Variants in AOPEP observed in about 807,000 individuals in gnomAD.
AOPEP encodes the protein aminopeptidase O.
A neutral mutation model predicts 98.1 loss-of-function variants in AOPEP; 77 were observed. The observed-to-expected ratio is 0.78, with a 90% CI of 0.65 to 0.95. The LOEUF (loss-of-function observed/expected upper bound fraction) is 0.95. Among genes scored for constraint, AOPEP ranks in the 40% least tolerant of loss-of-function variants. The pLI is 0.00. For missense variants in AOPEP, 1,024 were observed against 1,024.7 expected (o/e 1.00, Z 0.01); for synonymous variants, 346 against 365.3 (o/e 0.95, Z 0.60).
At chr9:95,048,128 GTTT>G (rs753694878) in intron 13 of AOPEP, among the ~76,000 whole-genome samples, 1 of 144,562 alleles carries the variant, frequency 6.9e-6, no homozygotes. Flanking sequence ...TTATTGGTAA[GTTT>G]TTTTTTTTTT....
chr9:94,939,789 A>G (rs1287616623), intron 7 of AOPEP, among the ~76,000 whole-genome samples: 1 of 152,194 alleles, frequency 6.6e-6, no homozygotes, highest in African/African-American at 2.4e-5. Context: ...CCCCATACCA[A>G]AATCTCAGGA....
chr9:95,130,280 T>TTC, the AOPEP span, among the ~76,000 whole-genome samples: 1 of 148,678 alleles, frequency 6.7e-6, no homozygotes, highest in East Asian at 2.0e-4. Flanking sequence ...CATTTGCTGA[T>TTC]TCTGTGTGTG....
At chr9:94,876,567 G>A (rs984314378) in intron 5 of AOPEP, among the ~76,000 whole-genome samples, 5 of 152,134 alleles carry the variant, frequency 3.3e-5, no homozygotes, top group African/African-American at 9.6e-5. Context: ...AGGTTTCACC[G>A]TGTTAGCCAG....
Position 94,856,494 on chromosome 9 carries a change from A to G in AOPEP, c.1364+55492A>G, listed in dbSNP as rs563027633. On this transcript the variant is annotated intron_variant, in intron 5 of 16. Transcript: ENST00000375315. ...CTGTATCTACTAAAAATACAAAATT[A>G]GCCAGGCATGGTGGTGCATGCCTGT... Among the ~76,000 whole-genome samples the G allele has an allele frequency of 3.9e-5, 6 of 152,202 alleles. No homozygotes were observed. In the East Asian group the frequency reaches 1.2e-3, roughly 29 times the overall value.
chr9:95,123,928 T>C, the AOPEP span: 2 of 387,394 alleles, frequency 5.2e-6, no homozygotes, highest in Non-Finnish European at 9.9e-6. Flanking sequence ...AAAATGGAAA[T>C]TGTACTTAAT....
rs946442922 is a variant in AOPEP, at chr9:95,079,527, A to C, written c.2233-1167A>C. On this transcript the variant is annotated intron_variant, in intron 14 of 16. Coordinates refer to ENST00000375315, the MANE Select transcript of AOPEP (RefSeq NM_001193329.3). ...GGTATAACTGAGAGTGCTTTGATGC[A>C]GTAGAAAAAGGCAGGGGACTGGATT... 2.0e-5 allele frequency among the ~76,000 whole-genome samples: 3 copies of C among 152,238 alleles called. No individual in the cohort carries two copies. The South Asian group carries it at 6.2e-4, about 31-fold the overall frequency.
At chr9:95,124,300 G>C in the AOPEP span, among the ~76,000 whole-genome samples, 1 of 152,084 alleles carries the variant, frequency 6.6e-6, no homozygotes, top group Non-Finnish European at 1.5e-5. Context: ...ACTCTCGACA[G>C]GCAATGTGTC....
At chr9:95,053,368 C>G (rs1722845294) in intron 13 of AOPEP, among the ~76,000 whole-genome samples, 1 of 152,114 alleles carries the variant, frequency 6.6e-6, no homozygotes, top group East Asian at 1.9e-4. Flanking sequence ...TTATTCTGAA[C>G]CTTTTTTCTA....
intron 3 of AOPEP, among the ~76,000 whole-genome samples, chr9:94,790,617 C>G (rs1845496386): frequency 1.3e-5 from 2 of 152,112 alleles, no homozygotes; most frequent in Non-Finnish European, 2.9e-5. Flanking sequence ...TTTCAAGTAA[C>G]TCTCTTCATG....
chr9:95,134,557 G>C, the AOPEP span, among the ~76,000 whole-genome samples: 1 of 152,226 alleles, frequency 6.6e-6, no homozygotes, highest in African/African-American at 2.4e-5. Context: ...AAGGGAAAAA[G>C]GGCAGAGTTC....
intron 9 of AOPEP, among the ~76,000 whole-genome samples, chr9:94,967,294 T>G (rs954517292): frequency 1.6e-4 from 25 of 152,184 alleles, no homozygotes; most frequent in Non-Finnish European, 2.4e-4. Flanking sequence ...GACATCTTTG[T>G]TCCTTGATGG....
chr9:94,835,044 G>A (rs1272344685), intron 5 of AOPEP, among the ~76,000 whole-genome samples: 1 of 152,108 alleles, frequency 6.6e-6, no homozygotes, highest in Non-Finnish European at 1.5e-5. Flanking sequence ...ATAGGATAAG[G>A]AGTGTAGAGT....
intron 2 of AOPEP, among the ~76,000 whole-genome samples, chr9:94,763,800 T>C (rs1489275678): frequency 6.6e-6 from 1 of 152,172 alleles, no homozygotes; most frequent in East Asian, 1.9e-4. Flanking sequence ...CAACAAAACA[T>C]ATCAAGTAGT....
intron 3 of AOPEP, among the ~76,000 whole-genome samples, chr9:94,786,909 A>G (rs764971761): frequency 6.6e-6 from 1 of 152,162 alleles, no homozygotes; most frequent in African/African-American, 2.4e-5. Context: ...TAGCCAAGAA[A>G]CCTTTTTGCT....
intron 5 of AOPEP, among the ~76,000 whole-genome samples, chr9:94,874,576 T>C (rs1013693267): frequency 6.6e-6 from 1 of 152,326 alleles, no homozygotes; most frequent in African/African-American, 2.4e-5. Context: ...GATGCTTTTT[T>C]TAAAAGAATT....
chr9:94,748,226 A>G (rs1329869871), intron 1 of AOPEP, among the ~76,000 whole-genome samples: 4 of 152,162 alleles, frequency 2.6e-5, no homozygotes, highest in Non-Finnish European at 1.5e-5. Context: ...TCATTCTGAT[A>G]AAAAGCCCCC....
intron 5 of AOPEP, among the ~76,000 whole-genome samples, chr9:94,839,147 G>A (rs1270453014): frequency 3.4e-5 from 5 of 148,832 alleles, no homozygotes; most frequent in Middle Eastern, 3.5e-3. Context: ...GTGCAGTGGC[G>A]CGATTTCGGC....
chr9:94,754,187 A>G (rs1836471739), intron 1 of AOPEP, among the ~76,000 whole-genome samples: 1 of 152,242 alleles, frequency 6.6e-6, no homozygotes, highest in African/African-American at 2.4e-5. Context: ...TTCTGAAATT[A>G]TTGAATTTCA....
At chr9:94,975,426 T>C (rs1363788030) in intron 10 of AOPEP, among the ~76,000 whole-genome samples, 1 of 152,188 alleles carries the variant, frequency 6.6e-6, no homozygotes, top group Non-Finnish European at 1.5e-5. Context: ...AGTGCCACGG[T>C]AGAATAGTGT....
Sources: allele counts gnomAD v4.1 joint callset (sites outside exome capture counted in the v4.1 genomes callset), GRCh38; gene constraint gnomAD v4.1.1; transcripts MANE v1.5; gene names NCBI Gene and HGNC (gene_info 2026-07-23, HGNC 2026-07-21).